DDAH1: variants seen among roughly 807,000 people sequenced by gnomAD.
DDAH1 encodes the protein dimethylarginine dimethylaminohydrolase 1, also known as N(G),N(G)-dimethylarginine dimethylaminohydrolase 1.
A neutral mutation model predicts 28.8 loss-of-function variants in DDAH1; 19 were observed. The observed-to-expected ratio is 0.66, with a 90% confidence interval of 0.46 to 0.97. DDAH1 has a LOEUF of 0.97. DDAH1 is among the 50% of genes least tolerant of loss of function. DDAH1 has a pLI of 0.00. For synonymous variants in DDAH1, 153 were observed against 154.4 expected (o/e 0.99, Z 0.07); for missense variants, 326 against 375.9 (o/e 0.87, Z 1.10).
At chr1:85,570,364 T>TCACA (rs35259175) in intron 1 of DDAH1, among the ~76,000 whole-genome samples, 9,720 of 145,272 alleles carry the variant, frequency 0.067, 469 homozygotes, top group East Asian at 0.13. Flanking sequence ...ACACACACTG[T>TCACA]CACACACACA....
chr1:85,437,047 G>T (rs903958656), intron 1 of DDAH1, among the ~76,000 whole-genome samples: 81 of 152,264 alleles, frequency 5.3e-4, no homozygotes, highest in African/African-American at 1.5e-3. Context: ...ACCTGTGATG[G>T]AAGTGATGCT....
intron 2 of DDAH1, among the ~76,000 whole-genome samples, chr1:85,476,268 T>C (rs1210010281): frequency 6.6e-6 from 1 of 152,252 alleles, no homozygotes; most frequent in Non-Finnish European, 1.5e-5. Flanking sequence ...TCTTACTCTT[T>C]GTTTCAGTTA....
At chr1:85,429,191 G>A (rs1476933990) in intron 1 of DDAH1, among the ~76,000 whole-genome samples, 1 of 145,768 alleles carries the variant, frequency 6.9e-6, no homozygotes, top group African/African-American at 2.6e-5. Flanking sequence ...GCAGGCCCCT[G>A]TGTGTGATGT....
At chr1:85,577,909 G>T (rs947721237) in intron 1 of DDAH1, 3 of 919,144 alleles carry the variant, frequency 3.3e-6, no homozygotes, top group Non-Finnish European at 3.9e-6. Context: ...TTCCTCCTGG[G>T]GCACCCGTAT....
At chr1:85,514,749 G>C (rs1440505341) in intron 1 of DDAH1, among the ~76,000 whole-genome samples, 1 of 151,654 alleles carries the variant, frequency 6.6e-6, no homozygotes, top group Non-Finnish European at 1.5e-5. Context: ...TTGGCTAGTG[G>C]GAGCCCTTTC....
intron 1 of DDAH1, among the ~76,000 whole-genome samples, chr1:85,515,820 T>C (rs1164190926): frequency 9.2e-5 from 14 of 152,052 alleles, no homozygotes; most frequent in African/African-American, 1.4e-4. Flanking sequence ...ATTTAAAACA[T>C]AGTGGATGAG....
At chr1:85,504,062 T>A (rs1656922319) in intron 1 of DDAH1, among the ~76,000 whole-genome samples, 1 of 152,200 alleles carries the variant, frequency 6.6e-6, no homozygotes, top group African/African-American at 2.4e-5. Flanking sequence ...TGTGATGATA[T>A]TGCTCAAAGA....
upstream of DDAH1, among the ~76,000 whole-genome samples, chr1:85,465,749 C>A (rs1481256957): frequency 6.6e-6 from 1 of 152,066 alleles, no homozygotes; most frequent in Non-Finnish European, 1.5e-5. Context: ...TCTATGCTGC[C>A]TAACACCATC....
chr1:85,561,439 AC>A (rs1433261554), intron 1 of DDAH1, among the ~76,000 whole-genome samples: 2 of 151,780 alleles, frequency 1.3e-5, no homozygotes, highest in East Asian at 3.9e-4. Flanking sequence ...AATTGCACCA[AC>A]CTAATAGAAG....
chr1:85,548,016 T>C (rs1322663888), intron 1 of DDAH1, among the ~76,000 whole-genome samples: 2 of 152,210 alleles, frequency 1.3e-5, no homozygotes, highest in Non-Finnish European at 2.9e-5. Context: ...AATATAGCTG[T>C]TATTGCTAAG....
At chr1:85,545,162 C>T (rs374977842) in intron 1 of DDAH1, among the ~76,000 whole-genome samples, 15 of 152,112 alleles carry the variant, frequency 9.9e-5, no homozygotes, top group African/African-American at 1.9e-4. Context: ...AGAGCCAGGA[C>T]GTGACTCCCA....
In DDAH1 at chr1:85,319,362, A is replaced by T. The variant is rs1233837677; in HGVS notation, c.*2090T>A. ...TTCTGCAGAACAAATTGTTACAAAG[A>T]AAAATCTATTTGCTTGCAATTGATT... is the stretch of plus-strand genomic sequence containing the variant. On this transcript the variant is annotated 3_prime_UTR_variant, in exon 6 of 6. Coordinates refer to ENST00000284031, the MANE Select transcript of DDAH1 (RefSeq NM_012137.4). The T allele has an allele frequency of 2.0e-5, 3 of 152,208 alleles. No individual in the cohort carries two copies. The highest frequency in any genetic ancestry group is 4.4e-5 in the Non-Finnish European group (3 of 68,032). 9.4% of individuals were successfully genotyped at this position (152,208 alleles called of 1,614,324 possible).
chr1:85,429,181 G>A (rs561614), intron 1 of DDAH1, among the ~76,000 whole-genome samples: 120,134 of 146,992 alleles, frequency 0.82, 49,171 homozygotes, highest in Middle Eastern at 0.9. Context: ...CCACCCCCCA[G>A]CAGGCCCCTG....
intron 1 of DDAH1, among the ~76,000 whole-genome samples, chr1:85,378,777 A>G (rs1650815745): frequency 4.6e-5 from 7 of 152,198 alleles, no homozygotes; most frequent in Admixed American, 4.6e-4. Flanking sequence ...TTGCAAATGA[A>G]GTAAGCATCC....
chr1:85,422,523 AGTTTTGCATTTTAC>A (rs1225596996), intron 1 of DDAH1, among the ~76,000 whole-genome samples: 1 of 152,158 alleles, frequency 6.6e-6, no homozygotes, highest in Non-Finnish European at 1.5e-5. Flanking sequence ...AAGAAATTTT[AGTTTTGCATTTTAC>A]GTTTTGGTGT....
chr1:85,557,149 C>T (rs556572665), intron 1 of DDAH1, among the ~76,000 whole-genome samples: 6 of 152,042 alleles, frequency 3.9e-5, no homozygotes, highest in Non-Finnish European at 7.4e-5. Flanking sequence ...ATAAAAGCTT[C>T]CTCACCAGAA....
At chr1:85,538,343 A>G (rs1370740710) in intron 1 of DDAH1, among the ~76,000 whole-genome samples, 1 of 152,238 alleles carries the variant, frequency 6.6e-6, no homozygotes, top group Non-Finnish European at 1.5e-5. Context: ...AAAGCTGAGA[A>G]GTGGGAAAGT....
chr1:85,553,359 G>T (rs1658854868), intron 1 of DDAH1, among the ~76,000 whole-genome samples: 1 of 152,236 alleles, frequency 6.6e-6, no homozygotes, highest in African/African-American at 2.4e-5. Flanking sequence ...GCCAGAGAGT[G>T]AATTTTTTAC....
intron 2 of DDAH1, among the ~76,000 whole-genome samples, chr1:85,484,279 A>G (rs924094835): frequency 6.6e-6 from 1 of 150,900 alleles, no homozygotes; most frequent in African/African-American, 2.4e-5. Context: ...TGTTTAATAT[A>G]TAATATATTT....
Sources: allele counts gnomAD v4.1 joint callset (sites outside exome capture counted in the v4.1 genomes callset), GRCh38; gene constraint gnomAD v4.1.1; transcripts MANE v1.5; gene names NCBI Gene and HGNC (gene_info 2026-07-23, HGNC 2026-07-21).